ENPP7: variants seen among roughly 807,000 people sequenced by gnomAD.
ENPP7 encodes ectonucleotide pyrophosphatase/phosphodiesterase family member 7.
A neutral mutation model predicts 33.6 loss-of-function variants in ENPP7; 39 were observed. That is an observed-to-expected ratio of 1.16 (90% CI 0.90 to 1.52). ENPP7 has a LOEUF of 1.52. Among genes scored for constraint, ENPP7 ranks in the 40% most tolerant of loss-of-function variants. The pLI is 0.00. For synonymous variants in ENPP7, 244 were observed against 274.3 expected (o/e 0.89, Z 1.09); for missense variants, 594 against 641.0 (o/e 0.93, Z 0.79).
rs1186937292 is a variant in ENPP7 at position 79,737,606 on chromosome 17, C to T, written c.1247-310C>T. ...CCCACCACAGCAACCTGAGGGCCTC[C>T]TTTCTGGAATCTTCCTGTATCAGCC... On this transcript the variant is annotated intron_variant, in intron 4 of 5. Coordinates refer to ENST00000328313, the MANE Select transcript of ENPP7 (RefSeq NM_178543.5). The surrounding 1 kb of genome is among the most constrained non-coding windows in gnomAD (Gnocchi z 5.5). Among the ~76,000 whole-genome samples, 1 of 152,192 alleles carries T rather than the reference C, an allele frequency of 6.6e-6. No homozygotes were observed. Among genetic ancestry groups the T allele is most frequent in the Admixed American group, 6.5e-5 (1 of 15,286 alleles).
chr17:79,731,400 C>T lies in ENPP7; in HGVS notation c.253+8C>T, dbSNP rs1555822486. 13 of 1,605,770 alleles carry T rather than the reference C, an allele frequency of 8.1e-6. No individual in the cohort carries two copies. Among genetic ancestry groups the T allele is most frequent in the Non-Finnish European group, 1.0e-5 (12 of 1,174,826 alleles). ...ACTTCACCCTGGTCACCGGTGAGTACTGCCCTGTGACGGGGCCTGGGGGTG... is the reference window on the plus strand; with the variant it reads ...ACTTCACCCTGGTCACCGGTGAGTATTGCCCTGTGACGGGGCCTGGGGGTG... On this transcript the variant is annotated splice_region_variant and intron_variant, in intron 1 of 5. Transcript: ENST00000328313.
At chr17:79,741,719 C>T (rs1185618061) in intron 5 of ENPP7, 75 bp from the exon 6 acceptor site, 2 of 860,530 alleles carry the variant, frequency 2.3e-6, no homozygotes, top group Non-Finnish European at 1.4e-6. Flanking sequence ...CGCTGCTTCA[C>T]CTGTCCCACC....
At position 79,734,925 on chromosome 17, in the gene ENPP7, G is replaced by T. The variant is rs558294145; in HGVS notation, c.400-118G>T. 1.2e-5 allele frequency: 12 copies of T among 1,043,302 alleles called. 1 individual carries two copies. The South Asian group carries it at 1.6e-4, about 14-fold the overall frequency. The allele number at this position is 1,043,302 out of a possible 1,614,324, so 64.6% of individuals were successfully genotyped here. A position where few individuals can be genotyped will look rare whatever the true frequency, so the allele number is the denominator to read the frequency against. ...AAAGGCCCCGCAGCTGCAGCTAGGA[G>T]CAGGGATGGGTGGGTGGAACAGAGA... On this transcript the variant is annotated intron_variant, in intron 2 of 5. Coordinates refer to ENST00000328313, the MANE Select transcript of ENPP7 (RefSeq NM_178543.5).
chr17:79,732,136 A>ATATATACATATATATATG (rs2094287315), intron 1 of ENPP7, among the ~76,000 whole-genome samples: 3 of 47,024 alleles, frequency 6.4e-5, no homozygotes, highest in African/African-American at 2.5e-4. Context: ...ATATATGTAT[A>ATATATACATATATATATG]TATATATATA....
intron 5 of ENPP7, among the ~76,000 whole-genome samples, 198 bp from the exon 6 acceptor site, chr17:79,741,596 A>G (rs1555824578): frequency 1.4e-5 from 2 of 145,508 alleles, no homozygotes; most frequent in East Asian, 2.1e-4. Flanking sequence ...ATCCCTACAC[A>G]GGCCCTTCTC....
rs541071323 is a variant in ENPP7, at chr17:79,731,468, G to A, written c.253+76G>A. 102 of 1,495,442 alleles carry A rather than the reference G, an allele frequency of 6.8e-5. No individual in the cohort carries two copies. In the African/African-American group the frequency reaches 1.2e-3, roughly 18 times the overall value. 92.6% of individuals were successfully genotyped at this position (1,495,442 alleles called of 1,614,324 possible). A position where few individuals can be genotyped will look rare whatever the true frequency, so the allele number is the denominator to read the frequency against. ...AGATGGCACAGAGCCGTGTCGTGCA[G>A]GATAAAGGGGAGAGGTCCTTGCTCC... is the stretch of plus-strand genomic sequence containing the variant. On this transcript the variant is annotated intron_variant, in intron 1 of 5. Coordinates refer to ENST00000328313, the MANE Select transcript of ENPP7 (RefSeq NM_178543.5).
intron 1 of ENPP7, among the ~76,000 whole-genome samples, chr17:79,733,247 G>A (rs1555822888): frequency 1.3e-5 from 2 of 152,226 alleles, no homozygotes; most frequent in Non-Finnish European, 2.9e-5. Context: ...CCAGCTGTGG[G>A]ACAAACTGAA....
Position 79,737,806 on chromosome 17 carries a change from A to G in ENPP7, c.1247-110A>G. Reference sequence around the variant, plus strand: ...GCCATGGGACCAAGGGGGCGGTGAAAGAGGAAGGAGGGGCTCGTGGGGACC... The same window carrying G: ...GCCATGGGACCAAGGGGGCGGTGAAGGAGGAAGGAGGGGCTCGTGGGGACC... On this transcript the variant is annotated intron_variant, in intron 4 of 5. Transcript: ENST00000328313. The surrounding 1 kb of genome is among the most constrained non-coding windows in gnomAD (Gnocchi z 5.5). 1.6e-6 allele frequency: 2 copies of G among 1,224,074 alleles called. No individual in the cohort carries two copies. Among genetic ancestry groups the G allele is most frequent in the Non-Finnish European group, 2.3e-6 (2 of 852,702 alleles). 75.8% of individuals were successfully genotyped at this position (1,224,074 alleles called of 1,614,324 possible). A position where few individuals can be genotyped will look rare whatever the true frequency, so the allele number is the denominator to read the frequency against.
Position 79,737,341 on chromosome 17 carries a change from A to C in ENPP7, c.1246+81A>C. 8.0e-7 allele frequency: 1 copy of C among 1,248,876 alleles called. No homozygotes were observed. The highest frequency in any genetic ancestry group is 1.3e-5 in the South Asian group (1 of 76,026). The allele number at this position is 1,248,876 out of a possible 1,614,324, so 77.4% of individuals were successfully genotyped here. ...CGAGGGTGCCTGCATGCCTGTGACC[A>C]GGACACCCTTGAGCCCCAAGTGGGG... On this transcript the variant is annotated intron_variant, in intron 4 of 5. Coordinates refer to ENST00000328313, the MANE Select transcript of ENPP7 (RefSeq NM_178543.5). This position sits in a 1 kb window ranked among gnomAD's most constrained non-coding sequence, Gnocchi z 5.5.
At chr17:79,736,286 G>A (rs981062766) in intron 3 of ENPP7, among the ~76,000 whole-genome samples, 1 of 152,198 alleles carries the variant, frequency 6.6e-6, no homozygotes, top group African/African-American at 2.4e-5. Context: ...CGATCCTCCT[G>A]CCTGGGCCTC....
chr17:79,737,767 C>G lies in ENPP7; in HGVS notation c.1247-149C>G. On this transcript the variant is annotated intron_variant, in intron 4 of 5. Transcript: ENST00000328313. The surrounding 1 kb of genome is among the most constrained non-coding windows in gnomAD (Gnocchi z 5.5). ...TCTACTGAGCAGGGCTATGAAGGGCCGTGGTGGACAAAGGCCATGGGACCA... is the reference window on the plus strand; with the variant it reads ...TCTACTGAGCAGGGCTATGAAGGGCGGTGGTGGACAAAGGCCATGGGACCA... 1.2e-6 allele frequency: 1 copy of G among 865,814 alleles called. No homozygotes were observed. The highest frequency in any genetic ancestry group is 1.8e-6 in the Non-Finnish European group (1 of 545,648). 53.6% of individuals were successfully genotyped at this position (865,814 alleles called of 1,614,324 possible). A position where few individuals can be genotyped will look rare whatever the true frequency, so the allele number is the denominator to read the frequency against.
rs782357893 is a variant in ENPP7 at position 79,731,304 on chromosome 17, C to T, written c.165C>T (p.Asp55=). ...AGGACGTGGACACCCCCAACCTGGA[C>T]GCCATGGCCCGAGACGGGGTGAAGG... ...YDQDVDTPNL[D]AMARDGVKAR... The change falls in exon 1 of 6, where the codon GAC becomes GAT. Residue 55 remains aspartate (D), a synonymous_variant. Coordinates refer to ENST00000328313, the MANE Select transcript of ENPP7 (RefSeq NM_178543.5). 1.6e-5 allele frequency: 26 copies of T among 1,613,800 alleles called. No individual in the cohort carries two copies. The highest frequency in any genetic ancestry group is 3.3e-4 in the Middle Eastern group (2 of 6,078).
rs533003093 is a variant in ENPP7 at position 79,741,885 on chromosome 17, C to T, written c.*108C>T. On this transcript the variant is annotated 3_prime_UTR_variant, in exon 6 of 6. Transcript: ENST00000328313. ...GACGGACCCTGCCTCCCCAGCTTAT[C>T]CCAGGCCAGAGGCTGCATGCCACTG... The T allele has an allele frequency of 9.6e-4, 948 of 985,682 alleles. No individual in the cohort carries two copies. The highest frequency in any genetic ancestry group is 1.1e-3 in the Non-Finnish European group (882 of 830,142). The allele number at this position is 985,682 out of a possible 1,614,324, so 61.1% of individuals were successfully genotyped here.
chr17:79,738,661 GGA>G lies in ENPP7; in HGVS notation c.*16+603_*16+604del, dbSNP rs1189108295. On this transcript the variant is annotated intron_variant, in intron 5 of 5. Transcript: ENST00000328313. The surrounding 1 kb of genome is among the most constrained non-coding windows in gnomAD (Gnocchi z 6.2). ...GGACACGCGTGGGGTGCATTTGGGA[GGA>G]GAGCTCCGGGGCTGCGTTCCTGGAA... The G allele has an allele frequency of 1.3e-5, 2 of 151,768 alleles. No individual in the cohort carries two copies. The highest frequency in any genetic ancestry group is 2.4e-5 in the African/African-American group (1 of 41,230). The allele number at this position is 151,768 out of a possible 1,614,324, so 9.4% of individuals were successfully genotyped here. A position where few individuals can be genotyped will look rare whatever the true frequency, so the allele number is the denominator to read the frequency against.
At position 79,737,846 on chromosome 17, in the gene ENPP7, A is replaced by G; in HGVS notation, c.1247-70A>G. On this transcript the variant is annotated intron_variant, in intron 4 of 5. Transcript: ENST00000328313. This position sits in a 1 kb window ranked among gnomAD's most constrained non-coding sequence, Gnocchi z 5.5. ...TCGTGGGGACCAACAGAGGACCCCG[A>G]GTTTACTGTGGAGAGGCTGGGGTGA... is the stretch of plus-strand genomic sequence containing the variant. 1 of 1,560,920 alleles carries G rather than the reference A, an allele frequency of 6.4e-7. No homozygotes were observed. The highest frequency in any genetic ancestry group is 1.8e-4 in the Middle Eastern group (1 of 5,688).
At chr17:79,732,121 C>CATATATATATATATACATATATATATAT in intron 1 of ENPP7, among the ~76,000 whole-genome samples, 1 of 48,782 alleles carries the variant, frequency 2.0e-5, no homozygotes, top group East Asian at 1.1e-3. Flanking sequence ...TATATATATA[C>CATATATATATATATACATATATATATAT]ATATATATAT....
In ENPP7 at chr17:79,735,569, T is replaced by C; in HGVS notation, c.926T>C (p.Val309Ala). Residue 309 changes from valine (V) to alanine (A), a missense_variant, in exon 3 of 6, where the codon GTC becomes GCC. Physicochemically the swap from Val to Ala is moderately conservative, Grantham distance 64 (BLOSUM62 0). Coordinates refer to ENST00000328313, the MANE Select transcript of ENPP7 (RefSeq NM_178543.5). The surrounding 1 kb of genome is among the most constrained non-coding windows in gnomAD (Gnocchi z 5.5). ...ALKDAHPKLH[V>A]YKKEAFPEAF... ...AAGGACGCCCACCCCAAGCTCCACG[T>C]CTACAAGAAGGAGGCGTTCCCCGAG... The C allele has an allele frequency of 6.2e-7, 1 of 1,613,752 alleles. No individual in the cohort carries two copies.
At chr17:79,733,994 G>A (rs556602392) in intron 2 of ENPP7, among the ~76,000 whole-genome samples, 67 of 152,280 alleles carry the variant, frequency 4.4e-4, no homozygotes, top group South Asian at 1.5e-3. Flanking sequence ...GGTGAGGGTC[G>A]GACAGGGAAG....
rs765929853 is a variant in ENPP7, at chr17:79,733,590, G to A, written c.336G>A (p.Thr112=). The change falls in exon 2 of 6, where the codon ACG becomes ACA. Residue 112 remains threonine, a synonymous_variant. Transcript: ENST00000328313. The part of the protein sequence containing the change: ...TSKVKLPYHA[T]LGIQRWWDNG... Reference sequence around the variant, plus strand: ...AGGTGAAGCTGCCCTACCACGCCACGCTGGGCATCCAGAGGTGGTGGGACA... The same window carrying A: ...AGGTGAAGCTGCCCTACCACGCCACACTGGGCATCCAGAGGTGGTGGGACA... 8.1e-6 allele frequency: 13 copies of A among 1,613,390 alleles called. No homozygotes were observed. The highest frequency in any genetic ancestry group is 4.5e-5 in the East Asian group (2 of 44,896).
Sources: allele counts gnomAD v4.1 joint callset (sites outside exome capture counted in the v4.1 genomes callset), GRCh38; gene constraint gnomAD v4.1.1; non-coding constraint Gnocchi (gnomAD v3.1); transcripts MANE v1.5; gene names NCBI Gene and HGNC (gene_info 2026-07-23, HGNC 2026-07-21).